Variants in PPP2R2A observed in about 807,000 individuals in gnomAD.
PPP2R2A encodes the protein protein phosphatase 2 regulatory subunit Balpha.
A neutral mutation model predicts 53.2 loss-of-function variants in PPP2R2A; 9 were observed. The ratio of observed to expected loss-of-function variants is 0.17; its 90% CI spans 0.10 to 0.30. The LOEUF is 0.30. PPP2R2A is among the 10% of genes least tolerant of loss of function. The pLI is 1.00. For synonymous variants in PPP2R2A, 169 were observed against 174.2 expected (o/e 0.97, Z 0.23); for missense variants, 235 against 534.6 (o/e 0.44, Z 5.53).
rs1173275068 is a variant in PPP2R2A, at chr8:26,372,365, T to G, written c.*1952T>G. The G allele has an allele frequency of 6.6e-6, 1 of 152,170 alleles. No homozygotes were observed. The highest frequency in any genetic ancestry group is 1.5e-5 in the Non-Finnish European group (1 of 68,020). 9.4% of individuals were successfully genotyped at this position (152,170 alleles called of 1,614,324 possible). Reference sequence around the variant, plus strand: ...TTGTGACTGGACAGTTTTCCAGATCTTTTTTGGGAGATTTTCCTACAGCTT... The same window carrying G: ...TTGTGACTGGACAGTTTTCCAGATCGTTTTTGGGAGATTTTCCTACAGCTT... On this transcript the variant is annotated 3_prime_UTR_variant, in exon 10 of 10. Transcript: ENST00000380737.
At chr8:26,315,951 T>A (rs1035640098) in intron 2 of PPP2R2A, among the ~76,000 whole-genome samples, 2 of 152,216 alleles carry the variant, frequency 1.3e-5, no homozygotes, top group African/African-American at 4.8e-5. Flanking sequence ...AAAAGGGGAA[T>A]TCACAGAATT....
chr8:26,362,464 C>G lies in PPP2R2A; in HGVS notation c.638-220C>G, dbSNP rs1805157859. 6.6e-6 allele frequency among the ~76,000 whole-genome samples: 1 copy of G among 151,962 alleles called. No homozygotes were observed. Among genetic ancestry groups the G allele is most frequent in the South Asian group, 2.1e-4 (1 of 4,824 alleles). The stretch of plus-strand genomic sequence containing the variant: ...AGGCTGCAGTGAGCCGAGATTGCGC[C>G]ACTGCACTCCAGCCTGGGTGACAGA... On this transcript the variant is annotated intron_variant, in intron 6 of 9. Transcript: ENST00000380737. This position sits in a 1 kb window ranked among gnomAD's most constrained non-coding sequence, Gnocchi z 4.4.
In PPP2R2A at chr8:26,362,123, A is replaced by G. The variant is rs963482981; in HGVS notation, c.638-561A>G. The stretch of plus-strand genomic sequence containing the variant: ...TTAGAAAAAGATTAGAAAAAGAAAG[A>G]TTAAAGATTACGATTAGATTAAGAT... On this transcript the variant is annotated intron_variant, in intron 6 of 9. Transcript: ENST00000380737. This position sits in a 1 kb window ranked among gnomAD's most constrained non-coding sequence, Gnocchi z 4.4. 1.3e-5 allele frequency among the ~76,000 whole-genome samples: 2 copies of G among 151,474 alleles called. No homozygotes were observed. The highest frequency in any genetic ancestry group is 4.8e-5 in the African/African-American group (2 of 41,328).
At chr8:26,316,832 C>T (rs1342184445) in intron 2 of PPP2R2A, among the ~76,000 whole-genome samples, 2 of 152,190 alleles carry the variant, frequency 1.3e-5, no homozygotes, top group Non-Finnish European at 2.9e-5. Flanking sequence ...ATTACCGGAT[C>T]ACCTGCCAAA....
intron 2 of PPP2R2A, among the ~76,000 whole-genome samples, chr8:26,330,229 A>T (rs1803296986): frequency 1.3e-5 from 2 of 151,790 alleles, no homozygotes; most frequent in Admixed American, 1.3e-4. Context: ...CACTTCAAAT[A>T]GTATGTTTTT....
intron 2 of PPP2R2A, among the ~76,000 whole-genome samples, chr8:26,306,977 T>C (rs994001018): frequency 6.6e-6 from 1 of 152,214 alleles, no homozygotes; most frequent in Non-Finnish European, 1.5e-5. Flanking sequence ...TATTTTGTAT[T>C]TGCAATGTTT....
chr8:26,346,206 T>C (rs1253211397), intron 3 of PPP2R2A, among the ~76,000 whole-genome samples: 3 of 151,952 alleles, frequency 2.0e-5, no homozygotes, highest in Admixed American at 6.6e-5. Flanking sequence ...AGTGGCATGA[T>C]CTCAGCTCAC....
rs1335976306 is a variant in PPP2R2A at position 26,354,443 on chromosome 8, C to A, written c.181-25C>A. 3 of 1,475,544 alleles carry A rather than the reference C, an allele frequency of 2.0e-6. No homozygotes were observed. The highest frequency in any genetic ancestry group is 2.9e-5 in the South Asian group (2 of 70,124). The allele number at this position is 1,475,544 out of a possible 1,614,324, so 91.4% of individuals were successfully genotyped here. A position where few individuals can be genotyped will look rare whatever the true frequency, so the allele number is the denominator to read the frequency against. ...TTTTGAAATATTTTTCAACAATGGT[C>A]CATATATTTTTGTTTTCATTTTAGA... On this transcript the variant is annotated intron_variant, in intron 3 of 9. Coordinates refer to ENST00000380737, the MANE Select transcript of PPP2R2A (RefSeq NM_002717.4). The surrounding 1 kb of genome is among the most constrained non-coding windows in gnomAD (Gnocchi z 4.6).
chr8:26,314,804 T>C (rs1274459103), intron 2 of PPP2R2A, among the ~76,000 whole-genome samples: 1 of 151,852 alleles, frequency 6.6e-6, no homozygotes, highest in Non-Finnish European at 1.5e-5. Context: ...TTTCCTTCTG[T>C]TTTTTCCTTC....
At position 26,362,046 on chromosome 8, in the gene PPP2R2A, ATTAGATTAAGATTAATT is replaced by A. The variant is rs1454802079; in HGVS notation, c.638-634_638-618del. On this transcript the variant is annotated intron_variant, in intron 6 of 9. Transcript: ENST00000380737. The surrounding 1 kb of genome is among the most constrained non-coding windows in gnomAD (Gnocchi z 4.4). ...AGATTAGATTAAGATTAATCTTAAGATTAGATTAAGATTAATTTTAAGATTAGAAAAAGATTAATAAT... is the reference window on the plus strand; with the variant it reads ...AGATTAGATTAAGATTAATCTTAAGATTAAGATTAGAAAAAGATTAATAAT... Among the ~76,000 whole-genome samples the A allele has an allele frequency of 2.7e-5, 4 of 149,794 alleles. No homozygotes were observed. Among genetic ancestry groups the A allele is most frequent in the African/African-American group, 9.7e-5 (4 of 41,112 alleles).
intron 4 of PPP2R2A, among the ~76,000 whole-genome samples, chr8:26,359,612 T>G (rs1180885782): frequency 6.7e-6 from 1 of 150,000 alleles, no homozygotes; most frequent in Non-Finnish European, 1.5e-5. Context: ...CAGGCCCTGT[T>G]TCCTACTTGT....
intron 1 of PPP2R2A, chr8:26,293,356 C>CT (rs1801396592): frequency 1.3e-5 from 17 of 1,323,218 alleles, no homozygotes; most frequent in Non-Finnish European, 1.8e-5. Flanking sequence ...TTGGTATTTA[C>CT]TTTTTTTCTG....
At chr8:26,358,855 C>A in intron 4 of PPP2R2A, 1 of 449,298 alleles carries the variant, frequency 2.2e-6, no homozygotes, top group South Asian at 1.6e-5. Flanking sequence ...CTAAATAAGA[C>A]GTGGATACAT....
rs1805019355 is a variant in PPP2R2A at position 26,360,410 on chromosome 8, T to C, written c.459+129T>C. On this transcript the variant is annotated intron_variant, in intron 5 of 9. Coordinates refer to ENST00000380737, the MANE Select transcript of PPP2R2A (RefSeq NM_002717.4). This position sits in a 1 kb window ranked among gnomAD's most constrained non-coding sequence, Gnocchi z 4.5. ...CTTTCCCAGTAATTCTGTAATCAGG[T>C]AGGACATTGAGTAACTCATTTAAAC... 3 of 548,122 alleles carry C rather than the reference T, an allele frequency of 5.5e-6. No individual in the cohort carries two copies. The highest frequency in any genetic ancestry group is 2.9e-5 in the East Asian group (1 of 34,146). The allele number at this position is 548,122 out of a possible 1,614,324, so 34.0% of individuals were successfully genotyped here.
intron 2 of PPP2R2A, among the ~76,000 whole-genome samples, chr8:26,308,948 C>A (rs2117225484): frequency 6.6e-6 from 1 of 152,212 alleles, no homozygotes; most frequent in Admixed American, 6.5e-5. Flanking sequence ...GCAGCCTTGA[C>A]TTCCTGGGCT....
chr8:26,317,447 A>G lies in PPP2R2A; in HGVS notation c.83-21443A>G, dbSNP rs551258957. On this transcript the variant is annotated intron_variant, in intron 2 of 9. Coordinates refer to ENST00000380737, the MANE Select transcript of PPP2R2A (RefSeq NM_002717.4). Reference sequence around the variant, plus strand: ...CTGATTTTTTTGTTCTGTGATTTTCATTCTTAGCATCTGTAACATTTTTAG... The same window carrying G: ...CTGATTTTTTTGTTCTGTGATTTTCGTTCTTAGCATCTGTAACATTTTTAG... Among the ~76,000 whole-genome samples, 7 of 152,190 alleles carry G rather than the reference A, an allele frequency of 4.6e-5. No individual in the cohort carries two copies. The South Asian group carries it at 1.4e-3, about 32-fold the overall frequency.
chr8:26,353,363 A>T (rs1012147742), intron 3 of PPP2R2A, among the ~76,000 whole-genome samples: 6 of 152,226 alleles, frequency 3.9e-5, no homozygotes, highest in African/African-American at 1.4e-4. Flanking sequence ...CCAGATCATC[A>T]GGCTGCTGGA....
intron 2 of PPP2R2A, among the ~76,000 whole-genome samples, chr8:26,302,897 A>T (rs1282860058): frequency 3.3e-5 from 5 of 152,220 alleles, no homozygotes; most frequent in Non-Finnish European, 2.9e-5. Context: ...CAATGAAGAA[A>T]TATTTTAAAG....
chr8:26,334,227 A>G (rs1048219151), intron 2 of PPP2R2A, among the ~76,000 whole-genome samples: 4 of 152,178 alleles, frequency 2.6e-5, no homozygotes, highest in Non-Finnish European at 4.4e-5. Flanking sequence ...GTGATTGGTG[A>G]TAGGACAGAT....
Sources: allele counts gnomAD v4.1 joint callset (sites outside exome capture counted in the v4.1 genomes callset), GRCh38; gene constraint gnomAD v4.1.1; non-coding constraint Gnocchi (gnomAD v3.1); transcripts MANE v1.5; gene names NCBI Gene and HGNC (gene_info 2026-07-23, HGNC 2026-07-21).